Variants in OSBPL1A observed in about 807,000 individuals in gnomAD.
OSBPL1A encodes oxysterol binding protein like 1A.
OSBPL1A carries 80 observed loss-of-function variants against 137.1 expected under a neutral mutation model. The ratio of observed to expected loss-of-function variants is 0.58; its 90% CI spans 0.49 to 0.70. The LOEUF (loss-of-function observed/expected upper bound fraction) is 0.70. Among genes scored for constraint, OSBPL1A ranks in the 30% least tolerant of loss-of-function variants. The probability of loss-of-function intolerance (pLI) is 0.00; values close to 1 mark genes in which losing one functional copy is unlikely to be tolerated. For missense variants in OSBPL1A, 970 were observed against 1,129.4 expected (o/e 0.86, Z 2.02); for synonymous variants, 365 against 389.7 (o/e 0.94, Z 0.75).
intron 9 of OSBPL1A, among the ~76,000 whole-genome samples, 172 bp downstream of exon 9, chr18:24,318,429 T>C (rs1369243535): frequency 6.6e-6 from 1 of 151,756 alleles, no homozygotes; most frequent in Non-Finnish European, 1.5e-5. Context: ...AGAGCAAGAC[T>C]CTGTCTCAAT....
chr18:24,204,929 G>A, intron 17 of OSBPL1A, among the ~76,000 whole-genome samples: 1 of 152,094 alleles, frequency 6.6e-6, no homozygotes, highest in Non-Finnish European at 1.5e-5. Flanking sequence ...AAAAAGTTCA[G>A]GCGTTTTTAA....
intron 14 of OSBPL1A, among the ~76,000 whole-genome samples, chr18:24,290,746 G>T (rs1160230778): frequency 6.6e-6 from 1 of 151,984 alleles, no homozygotes; most frequent in Non-Finnish European, 1.5e-5. Context: ...AATAGATGAG[G>T]CTTTACAGCT....
chr18:24,324,916 T>C (rs2090944441), intron 7 of OSBPL1A, among the ~76,000 whole-genome samples: 1 of 151,814 alleles, frequency 6.6e-6, no homozygotes, highest in South Asian at 2.1e-4. Context: ...TGAAACCCTG[T>C]CTCTACTAAA....
intron 15 of OSBPL1A, among the ~76,000 whole-genome samples, chr18:24,241,501 T>C (rs2146012465): frequency 1.3e-5 from 2 of 152,314 alleles, no homozygotes; most frequent in Admixed American, 1.3e-4. Flanking sequence ...AGAAGGCGTT[T>C]ATGCAGCCAA....
At chr18:24,314,136 T>A in intron 12 of OSBPL1A, 113 bp downstream of exon 12, 2 of 624,034 alleles carry the variant, frequency 3.2e-6, no homozygotes, top group South Asian at 6.9e-5. Context: ...TTTAAAAAAA[T>A]TAAAAGTACA....
chr18:24,318,710 T>C (rs368822875), intron 8 of OSBPL1A, 38 bp downstream of exon 8: 1 of 1,591,510 alleles, frequency 6.3e-7, no homozygotes, highest in African/African-American at 1.4e-5. Flanking sequence ...AATTTTTTTC[T>C]AAAAATTATT....
intron 17 of OSBPL1A, among the ~76,000 whole-genome samples, chr18:24,206,051 C>T (rs958027134): frequency 7.2e-5 from 11 of 152,080 alleles, no homozygotes; most frequent in African/African-American, 1.7e-4. Context: ...CCACCGTGCC[C>T]GGCTAATTTT....
At chr18:24,338,016 T>C (rs1043247890) in intron 5 of OSBPL1A, among the ~76,000 whole-genome samples, 10 of 151,788 alleles carry the variant, frequency 6.6e-5, no homozygotes, top group African/African-American at 2.2e-4. Flanking sequence ...GTGAAGGACA[T>C]ACAAATGTTT....
intron 17 of OSBPL1A, among the ~76,000 whole-genome samples, chr18:24,205,499 A>G (rs927674426): frequency 6.6e-6 from 1 of 152,218 alleles, no homozygotes; most frequent in Non-Finnish European, 1.5e-5. Flanking sequence ...CATTCACCCC[A>G]TATGTGTGCA....
Position 24,368,042 on chromosome 18 carries a change from CCTA to C in OSBPL1A, c.207+242_207+244del, listed in dbSNP as rs1433943713. 3.1e-4 allele frequency: 92 copies of C among 292,320 alleles called. 1 individual carries two copies. Among genetic ancestry groups the C allele is most frequent in the South Asian group, 2.4e-4 (2 of 8,186 alleles). 18.1% of individuals were successfully genotyped at this position (292,320 alleles called of 1,614,324 possible). ...TGAAAATAAAATCTTCATTAATATG[CCTA>C]CTTTTATTATTTTTAAAAGCTAGTA... On this transcript the variant is annotated intron_variant, in intron 3 of 27. Transcript: ENST00000319481.
intron 15 of OSBPL1A, among the ~76,000 whole-genome samples, chr18:24,261,567 T>C (rs2089446101): frequency 6.6e-6 from 1 of 152,164 alleles, no homozygotes; most frequent in Non-Finnish European, 1.5e-5. Context: ...ACATGATGGC[T>C]CACACCCGTA....
chr18:24,193,872 T>A (rs1168857369), intron 18 of OSBPL1A, among the ~76,000 whole-genome samples: 1 of 152,254 alleles, frequency 6.6e-6, no homozygotes, highest in Non-Finnish European at 1.5e-5. Context: ...TGATTCAGCA[T>A]AAGCATTTAC....
At chr18:24,171,542 G>T in intron 22 of OSBPL1A, 44 bp from the exon 23 acceptor site, 2 of 1,446,534 alleles carry the variant, frequency 1.4e-6, no homozygotes, top group Non-Finnish European at 1.9e-6. Context: ...TATTAGCAAA[G>T]CAGCAGTAGA....
At chr18:24,270,751 C>T (rs1468180987) in intron 15 of OSBPL1A, among the ~76,000 whole-genome samples, 1 of 152,136 alleles carries the variant, frequency 6.6e-6, no homozygotes, top group Non-Finnish European at 1.5e-5. Context: ...CACCCCACCC[C>T]GTTTTCCTGC....
chr18:24,180,462 TG>T (rs1203399219), intron 19 of OSBPL1A, among the ~76,000 whole-genome samples: 9 of 35,192 alleles, frequency 2.6e-4, no homozygotes, highest in East Asian at 5.6e-3. Context: ...TTTTCTATTT[TG>T]TGTGTGTGTG....
Position 24,163,188 on chromosome 18 carries a change from G to C in OSBPL1A, c.2844C>G (p.Asp948Glu). Reference protein sequence around the residue: ...YWDRNYFNLPDIY With the variant: ...YWDRNYFNLPEIY ...CTGACTTGTATGCATTTTAATAAAT[G>C]TCAGGCAAATTGAAGTAATTTCTGT... Residue 948 changes from aspartate to glutamate, a missense_variant, in exon 28 of 28, where the codon GAC becomes GAG. Asp to Glu is a conservative substitution (Grantham distance 45). Coordinates refer to ENST00000319481, the MANE Select transcript of OSBPL1A (RefSeq NM_080597.4). 6.2e-7 allele frequency: 1 copy of C among 1,604,614 alleles called. No homozygotes were observed. The highest frequency in any genetic ancestry group is 8.5e-7 in the Non-Finnish European group (1 of 1,171,844).
intron 4 of OSBPL1A, among the ~76,000 whole-genome samples, chr18:24,364,598 C>A (rs1256921919): frequency 6.6e-6 from 1 of 151,884 alleles, no homozygotes; most frequent in East Asian, 1.9e-4. Context: ...CTAAAACAAA[C>A]AAACAATTTT....
chr18:24,324,603 T>TAAAAAA (rs71163674), intron 7 of OSBPL1A, among the ~76,000 whole-genome samples: 18 of 5,646 alleles, frequency 3.2e-3, no homozygotes, highest in East Asian at 4.6e-3. Context: ...AATATGAATA[T>TAAAAAA]AAAAAAAAAA....
chr18:24,260,502 C>A (rs993860789), intron 15 of OSBPL1A, among the ~76,000 whole-genome samples: 1 of 152,182 alleles, frequency 6.6e-6, no homozygotes, highest in South Asian at 2.1e-4. Flanking sequence ...TGCTACAATG[C>A]GCATGAACCT....
Sources: gnomAD v4.1 joint callset for allele counts (sites outside exome capture counted in the v4.1 genomes callset) on GRCh38, gnomAD v4.1.1 for gene constraint, MANE v1.5 for transcripts, NCBI Gene and HGNC (gene_info 2026-07-23, HGNC 2026-07-21) for gene names.